PCDHGB7: variants seen among roughly 807,000 people sequenced by gnomAD.
PCDHGB7 encodes the protein protocadherin gamma-B7.
A neutral mutation model predicts 61.4 loss-of-function variants in PCDHGB7; 37 were observed. The ratio of observed to expected loss-of-function variants is 0.60; its 90% CI spans 0.46 to 0.79. The LOEUF (loss-of-function observed/expected upper bound fraction) is 0.79, where lower values mean the gene tolerates loss of function less well. Ranked by LOEUF, PCDHGB7 falls within the 30% of genes least tolerant of loss-of-function variation. The pLI is 0.00. For missense variants in PCDHGB7, 1,166 were observed against 1,202.5 expected (o/e 0.97, Z 0.45); for synonymous variants, 464 against 503.5 (o/e 0.92, Z 1.05).
chr5:141,473,053 TACA>T (rs1452453123), intron 1 of PCDHGB7, among the ~76,000 whole-genome samples: 1 of 150,200 alleles, frequency 6.7e-6, no homozygotes, highest in Non-Finnish European at 1.5e-5. Flanking sequence ...AAAGAAGTGA[TACA>T]ACAAGTTACA....
chr5:141,420,292 T>C lies in PCDHGB7; in HGVS notation c.2415+18T>C, dbSNP rs761934978. On this transcript the variant is annotated intron_variant, in intron 1 of 3. Transcript: ENST00000398594. ...TTAAACAGGTAAGTATTTAAAAATG[T>C]ATTTAATCCTTTTTATATTACAATA... 2.7e-6 allele frequency: 4 copies of C among 1,485,132 alleles called. No individual in the cohort carries two copies. The highest frequency in any genetic ancestry group is 1.8e-4 in the Middle Eastern group (1 of 5,602). 92.0% of individuals were successfully genotyped at this position (1,485,132 alleles called of 1,614,324 possible). A position where few individuals can be genotyped will look rare whatever the true frequency, so the allele number is the denominator to read the frequency against.
intron 1 of PCDHGB7, among the ~76,000 whole-genome samples, chr5:141,462,009 G>C (rs2099028674): frequency 6.6e-6 from 1 of 152,190 alleles, no homozygotes; most frequent in Non-Finnish European, 1.5e-5. Flanking sequence ...TTTTAATAGA[G>C]ACGGGGTTTC....
At position 141,432,579 on chromosome 5, in the gene PCDHGB7, G is replaced by A. The variant is rs769224543; in HGVS notation, c.2415+12305G>A. 6.2e-7 allele frequency: 1 copy of A among 1,613,860 alleles called. No homozygotes were observed. Among genetic ancestry groups the A allele is most frequent in the Non-Finnish European group, 8.5e-7 (1 of 1,179,984 alleles). On this transcript the variant is annotated intron_variant, in intron 1 of 3. Transcript: ENST00000398594. The surrounding 1 kb of genome is among the most constrained non-coding windows in gnomAD (Gnocchi z 6.0). ...GGCCAGAACGCCTGGCTGTCCTACC[G>A]TCTGCTCAAGGCCAGCGAGCCGGGA...
chr5:141,507,559 G>T (rs542787142), intron 3 of PCDHGB7, among the ~76,000 whole-genome samples: 1 of 152,368 alleles, frequency 6.6e-6, no homozygotes, highest in African/African-American at 2.4e-5. Flanking sequence ...GTGGCAGGCG[G>T]CTGGGTCTGA....
intron 1 of PCDHGB7, chr5:141,430,495 T>C: frequency 3.4e-6 from 1 of 293,400 alleles, no homozygotes; most frequent in Non-Finnish European, 6.2e-6. Context: ...GAAATATCCT[T>C]TCTGGGAGTT....
In PCDHGB7 at chr5:141,482,773, C is replaced by A. The variant is rs2009076; in HGVS notation, c.2416-12034C>A. ...ATTATGGTATTTCATTATCACTGAA[C>A]CTTAAACTGTGTGTGTGGCCGGGTA... On this transcript the variant is annotated intron_variant, in intron 1 of 3. Coordinates refer to ENST00000398594, the MANE Select transcript of PCDHGB7 (RefSeq NM_018927.4). 9.1e-3 allele frequency among the ~76,000 whole-genome samples: 1,158 copies of A among 127,768 alleles called. 29 individuals carry two copies. Among genetic ancestry groups the A allele is most frequent in the Middle Eastern group, 0.013 (3 of 228 alleles). 83.8% of individuals were successfully genotyped at this position (127,768 alleles called of 152,430 possible). A position where few individuals can be genotyped will look rare whatever the true frequency, so the allele number is the denominator to read the frequency against.
Position 141,476,605 on chromosome 5 carries a change from T to C in PCDHGB7, c.2416-18202T>C, listed in dbSNP as rs1394742940. ...CGCTCGAGAGCGCGCACGATCCCGATGTGGGAAGCAACTCTTTACAAACCT... is the reference window on the plus strand; with the variant it reads ...CGCTCGAGAGCGCGCACGATCCCGACGTGGGAAGCAACTCTTTACAAACCT... On this transcript the variant is annotated intron_variant, in intron 1 of 3. Transcript: ENST00000398594. This position sits in a 1 kb window ranked among gnomAD's most constrained non-coding sequence, Gnocchi z 7.6. 1.9e-6 allele frequency: 3 copies of C among 1,614,066 alleles called. No individual in the cohort carries two copies. In the East Asian group the frequency reaches 6.7e-5, roughly 36 times the overall value.
rs769187557 is a variant in PCDHGB7, at chr5:141,433,087, A to C, written c.2415+12813A>C. 2.5e-6 allele frequency: 4 copies of C among 1,614,206 alleles called. No homozygotes were observed. In the Admixed American group the frequency reaches 6.7e-5, roughly 27 times the overall value. On this transcript the variant is annotated intron_variant, in intron 1 of 3. Transcript: ENST00000398594. The stretch of plus-strand genomic sequence containing the variant: ...TGATCTTCCCCCAGCCCAACTATGC[A>C]GACATGCTCGTCAGCCAGGAGAGCT...
At chr5:141,428,186 CCGCTCTCTGCGCCGCTA>C (rs1167279209) in intron 1 of PCDHGB7, 1 of 1,460,956 alleles carries the variant, frequency 6.8e-7, no homozygotes, top group Admixed American at 1.8e-5. Context: ...AGGACAGCCG[CCGCTCTCTGCGCCGCTA>C]CGCTTCACCT....
Position 141,418,064 on chromosome 5 carries a change from A to T in PCDHGB7, c.205A>T (p.Ser69Cys). 6.2e-7 allele frequency: 1 copy of T among 1,614,006 alleles called. No homozygotes were observed. Among genetic ancestry groups the T allele is most frequent in the Non-Finnish European group, 8.5e-7 (1 of 1,179,892 alleles). ...TGTGTCGGCTCGCGAGCTGCGAGTG[A>T]GCGCGGAGAAGCTGCACTTCAGCGT... ...LDVSARELRV[S>C]AEKLHFSVDA... is the part of the protein sequence containing the mutation. The change falls in exon 1 of 4, where the codon AGC becomes TGC. Residue 69 changes from serine to cysteine, a missense_variant. Physicochemically the swap from Ser to Cys is moderately radical, Grantham distance 112. Coordinates refer to ENST00000398594, the MANE Select transcript of PCDHGB7 (RefSeq NM_018927.4).
At chr5:141,425,353 T>C (rs868017955) in intron 1 of PCDHGB7, among the ~76,000 whole-genome samples, 2 of 152,296 alleles carry the variant, frequency 1.3e-5, no homozygotes, top group Middle Eastern at 3.4e-3. Context: ...CTTTGAAATG[T>C]GATATTAAGA....
At position 141,494,787 on chromosome 5, in the gene PCDHGB7, T is replaced by G. The variant is rs763990551; in HGVS notation, c.2416-20T>G. The G allele has an allele frequency of 6.2e-7, 1 of 1,614,044 alleles. No individual in the cohort carries two copies. Among genetic ancestry groups the G allele is most frequent in the Non-Finnish European group, 8.5e-7 (1 of 1,179,990 alleles). On this transcript the variant is annotated intron_variant, in intron 1 of 3. Transcript: ENST00000398594. ...ACTTCTCACGGGTACTCAGCCCCTT[T>G]CCCTCTGTTTTCTCCACAGCAAGCC...
chr5:141,466,581 T>C (rs1426600962), intron 1 of PCDHGB7, among the ~76,000 whole-genome samples: 2 of 152,198 alleles, frequency 1.3e-5, no homozygotes, highest in Non-Finnish European at 2.9e-5. Flanking sequence ...GTCTCATCCC[T>C]TCTTAAAACA....
intron 1 of PCDHGB7, chr5:141,422,560 G>T (rs2096656228): frequency 6.2e-7 from 1 of 1,614,032 alleles, no homozygotes; most frequent in East Asian, 2.2e-5. Context: ...GAATGTGGCA[G>T]ATGACAACGA....
intron 1 of PCDHGB7, among the ~76,000 whole-genome samples, chr5:141,492,337 C>T (rs559700346): frequency 1.0e-3 from 158 of 152,324 alleles, no homozygotes; most frequent in African/African-American, 3.7e-3. Flanking sequence ...TACGCGAATA[C>T]CAGCTTTCAC....
chr5:141,487,435 A>G lies in PCDHGB7; in HGVS notation c.2416-7372A>G, dbSNP rs776328527. On this transcript the variant is annotated intron_variant, in intron 1 of 3. Transcript: ENST00000398594. The surrounding 1 kb of genome is among the most constrained non-coding windows in gnomAD (Gnocchi z 5.0). ...CCAATGGGATCCTCCGAATCCAGCT[A>G]GGGTCAGATGACCCTATCAAGTTTG... 3.7e-6 allele frequency: 6 copies of G among 1,614,164 alleles called. No individual in the cohort carries two copies. In the South Asian group the frequency reaches 6.6e-5, roughly 18 times the overall value.
At position 141,417,834 on chromosome 5, in the gene PCDHGB7, G is replaced by A. The variant is rs1382990900; in HGVS notation, c.-26G>A. ...GCACTTTCTCCAACTGGAAAAGCGG[G>A]GACCCAGCGAGAACCCGAGCGAACG... On this transcript the variant is annotated 5_prime_UTR_variant, in exon 1 of 4. Coordinates refer to ENST00000398594, the MANE Select transcript of PCDHGB7 (RefSeq NM_018927.4). 2.0e-6 allele frequency: 3 copies of A among 1,530,144 alleles called. No individual in the cohort carries two copies. Among genetic ancestry groups the A allele is most frequent in the Middle Eastern group, 3.5e-4 (2 of 5,784 alleles). 94.8% of individuals were successfully genotyped at this position (1,530,144 alleles called of 1,614,324 possible).
At chr5:141,438,232 GT>G (rs531572606) in intron 1 of PCDHGB7, among the ~76,000 whole-genome samples, 207 of 152,154 alleles carry the variant, frequency 1.4e-3, no homozygotes, top group Middle Eastern at 0.01. Flanking sequence ...TCAGGAAAAT[GT>G]TTTTAAAAAA....
intron 2 of PCDHGB7, among the ~76,000 whole-genome samples, chr5:141,498,945 G>C (rs1421135706): frequency 8.0e-6 from 1 of 125,434 alleles, no homozygotes; most frequent in Non-Finnish European, 1.6e-5. Context: ...AAGAAAGAAA[G>C]AAAAAGAGAG....
Sources: gnomAD v4.1 joint callset for allele counts (sites outside exome capture counted in the v4.1 genomes callset) on GRCh38, gnomAD v4.1.1 for gene constraint, Gnocchi (gnomAD v3.1) non-coding constraint, MANE v1.5 for transcripts, NCBI Gene and HGNC (gene_info 2026-07-23, HGNC 2026-07-21) for gene names.